The following ASNS variants were observed in gnomAD, a reference collection of about 807,000 sequenced individuals.
The protein encoded by ASNS is asparagine synthetase [glutamine-hydrolyzing].
Under a neutral mutation model 62.6 loss-of-function variants are expected in ASNS, and 37 were observed. The ratio of observed to expected loss-of-function variants is 0.59; its 90% CI spans 0.45 to 0.78. ASNS has a LOEUF of 0.78. ASNS is among the 30% of genes least tolerant of loss of function. The pLI, the probability that ASNS is intolerant of heterozygous loss-of-function variation, is 0.00. For synonymous variants in ASNS, 207 were observed against 237.9 expected (o/e 0.87, Z 1.19); for missense variants, 520 against 682.4 (o/e 0.76, Z 2.65).
intron 8 of ASNS, among the ~76,000 whole-genome samples, chr7:97,856,274 A>T (rs189593629): frequency 1.3e-5 from 2 of 152,364 alleles, no homozygotes; most frequent in Non-Finnish European, 1.5e-5. Flanking sequence ...TTGTTTGCAG[A>T]GCAATGATAG....
the ASNS span, chr7:97,906,380 C>T: frequency 3.8e-4 from 115 of 306,406 alleles, 1 homozygote; most frequent in African/African-American, 2.3e-3. Flanking sequence ...AAAGATCCTC[C>T]AGATATGGCC....
chr7:97,889,284 C>T, the ASNS span, among the ~76,000 whole-genome samples: 536 of 151,456 alleles, frequency 3.5e-3, 6 homozygotes, highest in African/African-American at 0.012. Context: ...TTTGAGAGGC[C>T]GAGGCGGGTA....
the ASNS span, among the ~76,000 whole-genome samples, chr7:97,917,837 G>A: frequency 1.3e-5 from 2 of 152,206 alleles, no homozygotes; most frequent in Non-Finnish European, 2.9e-5. Flanking sequence ...TGCCCTACAC[G>A]TGCTGACTGC....
Position 97,851,957 on chromosome 7 carries a change from G to C in ASNS, c.*302C>G. On this transcript the variant is annotated 3_prime_UTR_variant, in exon 13 of 13. Coordinates refer to ENST00000394308, the MANE Select transcript of ASNS (RefSeq NM_001673.5). ...CTGGAAGGAAGCCACACGGGCACAA[G>C]ATGCAAATGTCATCTAAAGCAGCTC... 2.8e-6 allele frequency: 1 copy of C among 357,834 alleles called. No homozygotes were observed. The highest frequency in any genetic ancestry group is 5.2e-6 in the Non-Finnish European group (1 of 191,498). 22.2% of individuals were successfully genotyped at this position (357,834 alleles called of 1,614,324 possible). A position where few individuals can be genotyped will look rare whatever the true frequency, so the allele number is the denominator to read the frequency against.
the ASNS span, among the ~76,000 whole-genome samples, chr7:97,879,091 A>G: frequency 6.6e-6 from 1 of 152,200 alleles, no homozygotes; most frequent in Non-Finnish European, 1.5e-5. Context: ...CTGGCTAGCC[A>G]TATGTAGAAA....
Position 97,869,108 on chromosome 7 carries a change from G to A in ASNS, c.49C>T (p.Gln17Ter), listed in dbSNP as rs1792125312. The change falls in exon 3 of 13, where the codon CAG (glutamine) becomes TAG (stop). Residue 17 changes from glutamine (Q) to a stop codon, truncating the protein, a stop_gained. Transcript: ENST00000394308. LOFTEE classifies it high-confidence loss of function. The part of the protein sequence containing the change: ...LFGSDDCLSV[Q>*]CLSAMKIAHR... ...GCAATCTTCATAGCACTCAGACACT[G>A]AACAGAAAGGCAATCATCACTGCCA... 6.2e-7 allele frequency: 1 copy of A among 1,614,148 alleles called. No homozygotes were observed. The highest frequency in any genetic ancestry group is 8.5e-7 in the Non-Finnish European group (1 of 1,180,032).
the ASNS span, among the ~76,000 whole-genome samples, chr7:97,921,596 A>C: frequency 6.6e-6 from 1 of 152,190 alleles, no homozygotes; most frequent in Non-Finnish European, 1.5e-5. Context: ...GGAATGGAGA[A>C]GGCAAGCAGC....
At chr7:97,907,752 G>A in the ASNS span, among the ~76,000 whole-genome samples, 3 of 135,162 alleles carry the variant, frequency 2.2e-5, no homozygotes, top group African/African-American at 8.3e-5. Context: ...CTGGGTGACA[G>A]AGCAAGACTC....
the ASNS span, among the ~76,000 whole-genome samples, chr7:97,922,123 G>A: frequency 6.6e-6 from 1 of 152,156 alleles, no homozygotes; most frequent in African/African-American, 2.4e-5. Flanking sequence ...CCAGCACTTT[G>A]GGAGGCTGAG....
chr7:97,860,811 T>C (rs1020672271), intron 4 of ASNS, among the ~76,000 whole-genome samples: 2 of 152,202 alleles, frequency 1.3e-5, no homozygotes, highest in Non-Finnish European at 2.9e-5. Context: ...GGCCGTCTTT[T>C]CACTTTCTTG....
the ASNS span, among the ~76,000 whole-genome samples, chr7:97,902,069 C>T: frequency 6.6e-6 from 1 of 152,308 alleles, no homozygotes; most frequent in Non-Finnish European, 1.5e-5. Context: ...GAGCATGAGT[C>T]ATCCACAAGA....
Position 97,852,009 on chromosome 7 carries a change from C to G in ASNS, c.*250G>C, listed in dbSNP as rs1452349729. The G allele has an allele frequency of 4.1e-6, 2 of 483,586 alleles. No homozygotes were observed. Among genetic ancestry groups the G allele is most frequent in the African/African-American group, 3.9e-5 (2 of 51,440 alleles). 30.0% of individuals were successfully genotyped at this position (483,586 alleles called of 1,614,324 possible). On this transcript the variant is annotated 3_prime_UTR_variant, in exon 13 of 13. Transcript: ENST00000394308. ...GCCAGGAGAGGGCTGTGAGTTCTTGCAGACATCTGATCATTTTCCCTTTTC... is the reference window on the plus strand; with the variant it reads ...GCCAGGAGAGGGCTGTGAGTTCTTGGAGACATCTGATCATTTTCCCTTTTC...
intron 1 of ASNS, among the ~76,000 whole-genome samples, chr7:97,871,486 A>G (rs1156887686): frequency 1.4e-5 from 2 of 141,862 alleles, no homozygotes; most frequent in Non-Finnish European, 3.0e-5. Flanking sequence ...CAATGCTATG[A>G]ATCATGATTT....
the ASNS span, among the ~76,000 whole-genome samples, chr7:97,889,435 T>G: frequency 6.6e-6 from 1 of 152,112 alleles, no homozygotes; most frequent in East Asian, 1.9e-4. Context: ...GAGAATTGCT[T>G]GAACCCGGGA....
the ASNS span, among the ~76,000 whole-genome samples, chr7:97,906,243 C>CCCACCA: frequency 5.3e-5 from 8 of 151,858 alleles, no homozygotes; most frequent in Middle Eastern, 3.4e-3. Context: ...CTACCAGTTT[C>CCCACCA]CCACCACCAC....
At chr7:97,898,751 T>C in the ASNS span, 2 of 665,768 alleles carry the variant, frequency 3.0e-6, no homozygotes, top group East Asian at 2.6e-5. Context: ...GACATCAACA[T>C]GAGCTTCAAT....
upstream of ASNS, among the ~76,000 whole-genome samples, chr7:97,876,433 T>A (rs1171895870): frequency 1.3e-5 from 2 of 150,854 alleles, no homozygotes; most frequent in African/African-American, 4.9e-5. Context: ...AAACATATTT[T>A]TTTTTTTTTT....
At position 97,859,379 on chromosome 7, in the gene ASNS, G is replaced by A. The variant is rs778814165; in HGVS notation, c.507C>T (p.His169=). 5.6e-6 allele frequency: 9 copies of A among 1,609,914 alleles called. No individual in the cohort carries two copies. In the South Asian group the frequency reaches 9.9e-5, roughly 18 times the overall value. Residue 169 remains histidine (H), a synonymous_variant, in exon 5 of 13, where the codon CAC becomes CAT. Coordinates refer to ENST00000394308, the MANE Select transcript of ASNS (RefSeq NM_001673.5). ...CCACTTTTAAAAAGGGAGTCGCGGA[G>A]TGCTTCAATGTAACAAGACCTAGAA... ...SEAKGLVTLK[H]SATPFLKVEP... is the part of the protein sequence containing the mutation.
intron 3 of ASNS, among the ~76,000 whole-genome samples, chr7:97,865,286 C>T (rs968829201): frequency 6.6e-6 from 1 of 152,234 alleles, no homozygotes; most frequent in Non-Finnish European, 1.5e-5. Flanking sequence ...GGCAGGCTTT[C>T]AGACTCCACC....
Sources: allele counts gnomAD v4.1 joint callset (sites outside exome capture counted in the v4.1 genomes callset), GRCh38; gene constraint gnomAD v4.1.1; transcripts MANE v1.5; gene names NCBI Gene and HGNC (gene_info 2026-07-23, HGNC 2026-07-21).